OSMR: variants seen among roughly 807,000 people sequenced by gnomAD.
OSMR encodes the protein oncostatin M receptor.
Under a neutral mutation model 99.9 loss-of-function variants are expected in OSMR, and 81 were observed. That is an observed-to-expected ratio of 0.81 (90% CI 0.68 to 0.97). The LOEUF (loss-of-function observed/expected upper bound fraction) is 0.97, where lower values mean the gene tolerates loss of function less well. Among genes scored for constraint, OSMR ranks in the 50% least tolerant of loss-of-function variants. The pLI, the probability that OSMR is intolerant of heterozygous loss-of-function variation, is 0.00. For synonymous variants in OSMR, 406 were observed against 410.4 expected (o/e 0.99, Z 0.13); for missense variants, 1,099 against 1,153.4 (o/e 0.95, Z 0.68).
At chr5:38,848,055 T>C (rs945078421) in intron 1 of OSMR, among the ~76,000 whole-genome samples, 5 of 152,164 alleles carry the variant, frequency 3.3e-5, no homozygotes, top group African/African-American at 1.2e-4. Flanking sequence ...GGAGAACTGT[T>C]ACGGTTTTCA....
At chr5:38,918,115 A>T (rs1244031729) in intron 10 of OSMR, among the ~76,000 whole-genome samples, 2 of 151,870 alleles carry the variant, frequency 1.3e-5, no homozygotes, top group Non-Finnish European at 2.9e-5. Context: ...ATCCTGGGAG[A>T]GTTGGCTCTG....
At chr5:38,932,337 A>G in intron 16 of OSMR, 126 bp from the exon 17 acceptor site, 2 of 738,070 alleles carry the variant, frequency 2.7e-6, no homozygotes, top group African/African-American at 1.7e-5. Context: ...GCATGGAAGA[A>G]TTAAGTAACT....
chr5:38,886,727 T>C (rs1481675102), intron 7 of OSMR: 2 of 152,632 alleles, frequency 1.3e-5, no homozygotes, highest in East Asian at 1.9e-4. Context: ...ATATTAAATA[T>C]TTTATTCATG....
At chr5:38,863,334 A>T (rs1179546677) in intron 1 of OSMR, among the ~76,000 whole-genome samples, 4 of 151,980 alleles carry the variant, frequency 2.6e-5, no homozygotes, top group African/African-American at 9.7e-5. Flanking sequence ...AGGTCAAGAG[A>T]TCGAGACCAT....
intron 2 of OSMR, among the ~76,000 whole-genome samples, chr5:38,873,417 A>C (rs1327530683): frequency 3.3e-5 from 5 of 152,192 alleles, no homozygotes; most frequent in African/African-American, 1.2e-4. Flanking sequence ...TATTTGTTTC[A>C]ATTCCTGCTT....
intron 11 of OSMR, chr5:38,919,485 A>G (rs1274078856): frequency 1.8e-6 from 1 of 560,752 alleles, no homozygotes; most frequent in Non-Finnish European, 2.7e-6. Context: ...ATTTCCAGAG[A>G]TCATCAGAAC....
At chr5:38,893,185 T>G (rs1046043612) in intron 7 of OSMR, among the ~76,000 whole-genome samples, 4 of 152,136 alleles carry the variant, frequency 2.6e-5, no homozygotes, top group African/African-American at 9.7e-5. Context: ...CAGCTCCAAA[T>G]GAAACCTGCT....
intron 1 of OSMR, among the ~76,000 whole-genome samples, chr5:38,852,354 C>T (rs1032381292): frequency 1.3e-5 from 2 of 152,178 alleles, no homozygotes; most frequent in Admixed American, 6.5e-5. Flanking sequence ...AAGAGAAATA[C>T]ACATAGAATT....
intron 7 of OSMR, among the ~76,000 whole-genome samples, chr5:38,902,531 A>G (rs1391964466): frequency 1.3e-5 from 2 of 152,076 alleles, no homozygotes; most frequent in Admixed American, 6.5e-5. Flanking sequence ...GTATCCAAGA[A>G]CTCCACAAAA....
At chr5:38,895,508 G>A (rs920064324) in intron 7 of OSMR, among the ~76,000 whole-genome samples, 1 of 152,002 alleles carries the variant, frequency 6.6e-6, no homozygotes, top group African/African-American at 2.4e-5. Context: ...TTCCTATAGA[G>A]TTGTTTGAGC....
intron 9 of OSMR, among the ~76,000 whole-genome samples, chr5:38,912,434 G>T (rs893645134): frequency 6.6e-5 from 10 of 151,916 alleles, no homozygotes; most frequent in African/African-American, 2.4e-4. Flanking sequence ...GTGACACAAA[G>T]AAATAGAAAA....
chr5:38,944,534 G>A (rs746712836), intron 2 of OSMR: 3 of 1,608,704 alleles, frequency 1.9e-6, no homozygotes, highest in East Asian at 2.2e-5. Context: ...AGGAGTATAC[G>A]GCACATTGGT....
intron 10 of OSMR, among the ~76,000 whole-genome samples, chr5:38,918,196 G>A (rs145767930): frequency 2.6e-5 from 4 of 151,580 alleles, no homozygotes; most frequent in Non-Finnish European, 2.9e-5. Context: ...GTGCACAGAC[G>A]TGTGGGCATG....
downstream of OSMR, chr5:38,939,514 G>A (rs947011884): frequency 1.3e-5 from 3 of 231,438 alleles, no homozygotes; most frequent in African/African-American, 6.6e-5. Context: ...AAATTTTAGA[G>A]CATATTTAAT....
intron 1 of OSMR, among the ~76,000 whole-genome samples, chr5:38,851,219 G>A (rs1479498063): frequency 6.6e-6 from 1 of 152,128 alleles, no homozygotes; most frequent in African/African-American, 2.4e-5. Context: ...ACGTTTTAAG[G>A]AATGCTTTAT....
chr5:38,921,359 A>T, intron 11 of OSMR: 1 of 301,534 alleles, frequency 3.3e-6, no homozygotes, highest in Non-Finnish European at 4.9e-6. Flanking sequence ...CCCCTGTCCT[A>T]GGTGCTGAAG....
chr5:38,902,069 C>G (rs972674046), intron 7 of OSMR, among the ~76,000 whole-genome samples: 48 of 152,128 alleles, frequency 3.2e-4, no homozygotes, highest in African/African-American at 1.1e-3. Context: ...GAGCCTTTTG[C>G]GACCAGCCAA....
In OSMR at chr5:38,876,279, A is replaced by T; in HGVS notation, c.152A>T (p.Gln51Leu). 1.2e-6 allele frequency: 2 copies of T among 1,613,670 alleles called. No individual in the cohort carries two copies. Among genetic ancestry groups the T allele is most frequent in the African/African-American group, 2.7e-5 (2 of 75,034 alleles). Residue 51 changes from glutamine (Q) to leucine (L), a missense_variant, in exon 3 of 18, where the codon CAA becomes CTA. By Grantham distance (113) the Gln-to-Leu change is moderately radical. Transcript: ENST00000274276. ...TNSTRQSLHLQWTVHNLPYHQ... is the reference protein window; with the variant it reads ...TNSTRQSLHLLWTVHNLPYHQ... Reference sequence around the variant, plus strand: ...TCTACGCGTCAGAGTTTGCACTTACAATGGACTGTCCACAACCTTCCTTAT... The same window carrying T: ...TCTACGCGTCAGAGTTTGCACTTACTATGGACTGTCCACAACCTTCCTTAT...
chr5:38,929,915 T>C (rs887938745), intron 15 of OSMR, among the ~76,000 whole-genome samples: 6 of 152,212 alleles, frequency 3.9e-5, no homozygotes, highest in African/African-American at 7.2e-5. Context: ...AGCTACTCTA[T>C]ATTTACCTTA....
Sources: allele counts gnomAD v4.1 joint callset (sites outside exome capture counted in the v4.1 genomes callset), GRCh38; gene constraint gnomAD v4.1.1; transcripts MANE v1.5; gene names NCBI Gene and HGNC (gene_info 2026-07-23, HGNC 2026-07-21).